NLRP11: variants seen among roughly 807,000 people sequenced by gnomAD.
NLRP11 encodes the protein NLR family pyrin domain containing 11.
Under a neutral mutation model 79.3 loss-of-function variants are expected in NLRP11, and 53 were observed. That is an observed-to-expected ratio of 0.67 (90% CI 0.54 to 0.84). The LOEUF (loss-of-function observed/expected upper bound fraction) is 0.84. NLRP11 is among the 40% of genes least tolerant of loss of function. The pLI is 0.00. For synonymous variants in NLRP11, 518 were observed against 462.6 expected, an observed-to-expected ratio of 1.12 and a Z score of -1.54; for missense variants, 1,264 against 1,255.0, an observed-to-expected ratio of 1.01 and a Z score of -0.11.
intron 1 of NLRP11, among the ~76,000 whole-genome samples, chr19:55,824,834 T>C (rs1982141507): frequency 1.0e-5 from 1 of 99,784 alleles, no homozygotes; most frequent in African/African-American, 8.1e-5. Context: ...CACCCCACTG[T>C]CAACATTAGA....
chr19:55,827,253 C>G (rs1231281084), intron 1 of NLRP11, among the ~76,000 whole-genome samples: 1 of 142,096 alleles, frequency 7.0e-6, no homozygotes, highest in Non-Finnish European at 1.5e-5. Context: ...ACACCTTATA[C>G]AAAAATCAAT....
chr19:55,823,071 CCA>C (rs1981948077), intron 1 of NLRP11, among the ~76,000 whole-genome samples: 1 of 148,124 alleles, frequency 6.8e-6, no homozygotes, highest in Non-Finnish European at 1.5e-5. Flanking sequence ...GATCTGAGAA[CCA>C]GCAGACTGCC....
upstream of NLRP11, chr19:55,836,316 T>TG (rs1393780393): frequency 6.6e-6 from 1 of 152,122 alleles, no homozygotes; most frequent in East Asian, 1.9e-4. Flanking sequence ...CCGTGAGCCC[T>TG]GGGAATTCTC....
chr19:55,821,395 G>C (rs991927578), intron 1 of NLRP11, among the ~76,000 whole-genome samples: 2 of 152,138 alleles, frequency 1.3e-5, no homozygotes, highest in Admixed American at 1.3e-4. Flanking sequence ...TCTGGATTTT[G>C]TCCCATGTGC....
intron 1 of NLRP11, among the ~76,000 whole-genome samples, chr19:55,828,773 A>G (rs1342762355): frequency 6.6e-6 from 1 of 152,222 alleles, no homozygotes; most frequent in Non-Finnish European, 1.5e-5. Context: ...ATATTTAATC[A>G]TGCCCTTGTT....
chr19:55,796,476 C>T (rs189212742), intron 5 of NLRP11, among the ~76,000 whole-genome samples: 1 of 152,128 alleles, frequency 6.6e-6, no homozygotes, highest in African/African-American at 2.4e-5. Context: ...CAGTTCCTTC[C>T]TCTTTTGCAT....
chr19:55,819,751 C>G (rs1237706100), intron 1 of NLRP11, among the ~76,000 whole-genome samples: 1 of 152,176 alleles, frequency 6.6e-6, no homozygotes, highest in Non-Finnish European at 1.5e-5. Context: ...ACTAGATACT[C>G]AACCGTAACT....
In NLRP11 at chr19:55,809,968, AATGGGAGCCTGGCCGTCAGGCC is replaced by A; in HGVS notation, c.620_641del (p.Trp207LeufsTer21). ...TCTTGGGATCAGACAGGATGTCTGC[AATGGGAGCCTGGCCGTCAGGCC>A]AGTCCTTGGCGATTAGCTCAGCCAA... On this transcript the variant is annotated frameshift_variant, in exon 3 of 10. Coordinates refer to ENST00000589093, the Ensembl canonical transcript of NLRP11. LOFTEE classifies it high-confidence loss of function. This position sits in a 1 kb window ranked among gnomAD's most constrained non-coding sequence, Gnocchi z 4.5. The A allele has an allele frequency of 6.2e-7, 1 of 1,614,194 alleles. No homozygotes were observed. Among genetic ancestry groups the A allele is most frequent in the Non-Finnish European group, 8.5e-7 (1 of 1,180,006 alleles).
intron 4 of NLRP11, among the ~76,000 whole-genome samples, chr19:55,802,271 T>C (rs1048200431): frequency 6.6e-5 from 10 of 152,148 alleles, no homozygotes; most frequent in Admixed American, 2.0e-4. Context: ...GAAAACCCCA[T>C]AGTCTCAGCC....
At chr19:55,792,565 C>G (rs928873501) in intron 6 of NLRP11, 94 bp from the exon 7 acceptor site, 1 of 851,524 alleles carries the variant, frequency 1.2e-6, no homozygotes, top group African/African-American at 1.7e-5. Context: ...CGCCTCGATG[C>G]CTTCTACTGC....
At chr19:55,788,089 G>T (rs944288084) in intron 9 of NLRP11, among the ~76,000 whole-genome samples, 2 of 152,060 alleles carry the variant, frequency 1.3e-5, no homozygotes, top group African/African-American at 4.8e-5. Flanking sequence ...TAACATACTT[G>T]GCAACAGTTA....
exon 6 of NLRP11, chr19:55,796,143 C>T: frequency 6.2e-7 from 1 of 1,614,128 alleles, no homozygotes; most frequent in Non-Finnish European, 8.5e-7. Flanking sequence ...CATCCCGTCG[C>T]TCCTCAGCGG....
intron 1 of NLRP11, among the ~76,000 whole-genome samples, chr19:55,830,948 A>T (rs1359970303): frequency 6.6e-6 from 1 of 152,030 alleles, no homozygotes; most frequent in Non-Finnish European, 1.5e-5. Context: ...GTTATCAAAA[A>T]CCCCAGTGTC....
chr19:55,792,570 T>C, intron 6 of NLRP11, 99 bp from the exon 7 acceptor site: 1 of 822,424 alleles, frequency 1.2e-6, no homozygotes, highest in South Asian at 1.6e-5. Flanking sequence ...CGATGCCTTC[T>C]ACTGCCATTG....
rs1978340167 is a variant in NLRP11, at chr19:55,792,296, C to T, written c.2513+5G>A. 6.2e-7 allele frequency: 1 copy of T among 1,612,826 alleles called. No individual in the cohort carries two copies. The highest frequency in any genetic ancestry group is 1.7e-5 in the Admixed American group (1 of 59,984). On this transcript the variant is annotated splice_donor_5th_base_variant and intron_variant, in intron 7 of 9. Transcript: ENST00000589093. ...AGTCATCCAGGACAACTGTGGGAGA[C>T]TTACTGAAGCTCCTCTAACTGACAG...
At chr19:55,815,528 CAAAAA>C (rs11343133) in intron 2 of NLRP11, among the ~76,000 whole-genome samples, 2 of 92,836 alleles carry the variant, frequency 2.2e-5, no homozygotes, top group Admixed American at 1.3e-4. Context: ...GACTCCATCT[CAAAAA>C]AAAAAAAAAA....
chr19:55,794,712 A>G (rs1361089070), intron 6 of NLRP11, among the ~76,000 whole-genome samples: 1 of 152,132 alleles, frequency 6.6e-6, no homozygotes, highest in East Asian at 1.9e-4. Context: ...GTGAGCCGAG[A>G]TCGCGCCACC....
intron 4 of NLRP11, among the ~76,000 whole-genome samples, chr19:55,804,120 G>A (rs1278032748): frequency 2.7e-5 from 4 of 149,836 alleles, no homozygotes; most frequent in African/African-American, 1.0e-4. Context: ...GTGTGTGTGT[G>A]TATAAATAAA....
intron 4 of NLRP11, among the ~76,000 whole-genome samples, chr19:55,807,198 AAAGTT>A (rs1330910018): frequency 6.6e-6 from 1 of 152,184 alleles, no homozygotes; most frequent in African/African-American, 2.4e-5. Context: ...GAATGAAAAT[AAAGTT>A]AACTCCTGGG....
Sources: gnomAD v4.1 joint callset for allele counts (sites outside exome capture counted in the v4.1 genomes callset) on GRCh38, gnomAD v4.1.1 for gene constraint, Gnocchi (gnomAD v3.1) non-coding constraint, MANE v1.5 for transcripts, NCBI Gene and HGNC (gene_info 2026-07-23, HGNC 2026-07-21) for gene names.